COL25A1: variants seen among roughly 807,000 people sequenced by gnomAD.
COL25A1 encodes the protein collagen alpha-1(XXV) chain.
In COL25A1, 103 loss-of-function variants were observed where a neutral mutation model predicts 128.4. That is an observed-to-expected ratio of 0.80 (90% CI 0.68 to 0.94). The LOEUF (loss-of-function observed/expected upper bound fraction) is 0.94. COL25A1 is among the 40% of genes least tolerant of loss of function. COL25A1 has a pLI of 0.00. For missense variants in COL25A1, 745 were observed against 840.0 expected, an observed-to-expected ratio of 0.89 and a Z score of 1.40; for synonymous variants, 279 against 277.2, an observed-to-expected ratio of 1.01 and a Z score of -0.06.
intron 18 of COL25A1, among the ~76,000 whole-genome samples, chr4:108,886,167 C>T (rs1740745273): frequency 6.6e-6 from 1 of 152,148 alleles, no homozygotes; most frequent in African/African-American, 2.4e-5. Flanking sequence ...TCATAGTTTT[C>T]ATATTTCATA....
intron 13 of COL25A1, among the ~76,000 whole-genome samples, chr4:108,906,559 A>T (rs759054671): frequency 6.6e-6 from 1 of 152,228 alleles, no homozygotes; most frequent in Non-Finnish European, 1.5e-5. Flanking sequence ...AGCAAACAAA[A>T]ATATAGGAGA....
At chr4:108,895,424 CAT>C (rs899262860) in intron 16 of COL25A1, among the ~76,000 whole-genome samples, 1 of 152,140 alleles carries the variant, frequency 6.6e-6, no homozygotes, top group African/African-American at 2.4e-5. Flanking sequence ...ATCTTTAACA[CAT>C]AGCACAAGTG....
chr4:109,078,954 C>T (rs1011473793), intron 3 of COL25A1, among the ~76,000 whole-genome samples: 1 of 152,158 alleles, frequency 6.6e-6, no homozygotes, highest in Admixed American at 6.5e-5. Flanking sequence ...CTGCTTACTA[C>T]ATGGAATGCC....
At position 108,819,291 on chromosome 4, in the gene COL25A1, G is replaced by A; in HGVS notation, c.1884C>T (p.Gly628=). ...CATCCAGCCCATCCAGGCCAGGCTG[G>A]CCTGGCTCCCCTTTTTCCCCCTTAA... ...RGVKGEKGEP[G]QPGLDGLDAP... is the part of the protein sequence containing the mutation. The change falls in exon 36 of 38, where the codon GGC becomes GGT. Residue 628 remains glycine (G), a synonymous_variant. Transcript: ENST00000399132. The A allele has an allele frequency of 1.2e-6, 2 of 1,613,458 alleles. No individual in the cohort carries two copies. The highest frequency in any genetic ancestry group is 1.7e-6 in the Non-Finnish European group (2 of 1,179,762).
chr4:109,175,078 C>T (rs754856975), intron 3 of COL25A1, among the ~76,000 whole-genome samples: 4 of 152,336 alleles, frequency 2.6e-5, no homozygotes, highest in Non-Finnish European at 5.9e-5. Context: ...TGCCCACCCA[C>T]TCCCATCTGT....
chr4:109,294,383 C>T (rs1724770928), intron 3 of COL25A1, among the ~76,000 whole-genome samples: 2 of 152,134 alleles, frequency 1.3e-5, no homozygotes, highest in Admixed American at 6.6e-5. Flanking sequence ...TCTCACTCTT[C>T]TATACTTAAC....
Position 109,132,482 on chromosome 4 carries a change from T to C in COL25A1, c.368-82303A>G, listed in dbSNP as rs953504425. Among the ~76,000 whole-genome samples the C allele has an allele frequency of 3.9e-5, 6 of 152,252 alleles. No homozygotes were observed. The South Asian group carries it at 6.2e-4, about 16-fold the overall frequency. On this transcript the variant is annotated intron_variant, in intron 3 of 37. Coordinates refer to ENST00000399132, the MANE Select transcript of COL25A1 (RefSeq NM_198721.4). ...TTAATCCTGACAATATATAAGAGAA[T>C]TTTAAATAAAAATTTCAAAAGGCTA...
chr4:108,871,330 A>G (rs551361374), intron 19 of COL25A1, among the ~76,000 whole-genome samples: 6 of 152,138 alleles, frequency 3.9e-5, no homozygotes, highest in African/African-American at 1.4e-4. Flanking sequence ...TTATTTATTT[A>G]TTTTTTTGAG....
At chr4:109,229,768 C>T (rs1272057531) in intron 3 of COL25A1, among the ~76,000 whole-genome samples, 7 of 152,094 alleles carry the variant, frequency 4.6e-5, no homozygotes, top group South Asian at 2.1e-4. Flanking sequence ...ACATGTCTGA[C>T]GATGGCTGTG....
intron 3 of COL25A1, among the ~76,000 whole-genome samples, chr4:109,268,048 T>C (rs776635842): frequency 1.3e-5 from 2 of 152,168 alleles, no homozygotes; most frequent in Non-Finnish European, 2.9e-5. Flanking sequence ...AAATTAACCA[T>C]AAAATCTGCA....
chr4:109,128,224 A>G (rs1287453029), intron 3 of COL25A1, among the ~76,000 whole-genome samples: 1 of 152,130 alleles, frequency 6.6e-6, no homozygotes, highest in African/African-American at 2.4e-5. Context: ...AACCCCCACC[A>G]AACAGATCTG....
chr4:108,861,163 T>A (rs560198540), intron 22 of COL25A1, among the ~76,000 whole-genome samples, 192 bp from the exon 23 acceptor site: 7 of 152,164 alleles, frequency 4.6e-5, no homozygotes, highest in African/African-American at 7.2e-5. Flanking sequence ...TTCCTTTTTT[T>A]AAAAAACTCC....
chr4:108,841,762 C>G, intron 30 of COL25A1, 41 bp from the exon 31 acceptor site: 1 of 1,513,744 alleles, frequency 6.6e-7, no homozygotes, highest in African/African-American at 1.4e-5. Context: ...GAATTGATTC[C>G]CTGTTTCCCA....
At chr4:109,240,423 A>G (rs1779821425) in intron 3 of COL25A1, among the ~76,000 whole-genome samples, 1 of 152,024 alleles carries the variant, frequency 6.6e-6, no homozygotes, top group Non-Finnish European at 1.5e-5. Context: ...TACTGTTCTA[A>G]GCATTGTCAT....
intron 3 of COL25A1, among the ~76,000 whole-genome samples, chr4:109,127,816 G>C (rs572373308): frequency 2.8e-4 from 42 of 152,216 alleles, no homozygotes; most frequent in African/African-American, 1.0e-3. Flanking sequence ...GCTGCTTTGC[G>C]AGTAGAAAAA....
chr4:109,072,794 C>T (rs923531832), intron 3 of COL25A1, among the ~76,000 whole-genome samples: 1 of 152,214 alleles, frequency 6.6e-6, no homozygotes, highest in Non-Finnish European at 1.5e-5. Context: ...TCGCAATCAG[C>T]ACTACAGCTG....
chr4:108,950,520 T>C (rs986336541), intron 8 of COL25A1, among the ~76,000 whole-genome samples: 1 of 152,186 alleles, frequency 6.6e-6, no homozygotes. Flanking sequence ...TTCCTGATAC[T>C]TCCGCCTAGA....
At chr4:109,123,066 C>T (rs1005593903) in intron 3 of COL25A1, among the ~76,000 whole-genome samples, 1 of 152,010 alleles carries the variant, frequency 6.6e-6, no homozygotes, top group African/African-American at 2.4e-5. Context: ...CAAGGAGAAT[C>T]AAATATCCTG....
At chr4:109,104,602 C>T (rs1766232700) in intron 3 of COL25A1, among the ~76,000 whole-genome samples, 2 of 151,906 alleles carry the variant, frequency 1.3e-5, no homozygotes, top group South Asian at 4.1e-4. Context: ...CTCTTAACTA[C>T]CAATTAGAAG....
Sources: allele counts gnomAD v4.1 joint callset (sites outside exome capture counted in the v4.1 genomes callset), GRCh38; gene constraint gnomAD v4.1.1; transcripts MANE v1.5; gene names NCBI Gene and HGNC (gene_info 2026-07-23, HGNC 2026-07-21).